The following OR3A3 variants were observed in gnomAD, a reference collection of about 807,000 sequenced individuals.
OR3A3 encodes the protein olfactory receptor 3A3.
For synonymous variants in OR3A3, 103 were observed against 163.9 expected (o/e 0.63, Z 2.84); for missense variants, 275 against 391.4 (o/e 0.70, Z 2.51).
chr17:3,423,886 T>C (rs2072453272), exon 3 of OR3A3: 1 of 146,042 alleles, frequency 6.8e-6, no homozygotes, highest in Admixed American at 7.0e-5. Flanking sequence ...TGAGCTGAGA[T>C]AGCGCCACTG....
At chr17:3,418,675 C>G (rs547912244) in intron 2 of OR3A3, among the ~76,000 whole-genome samples, 2 of 152,290 alleles carry the variant, frequency 1.3e-5, no homozygotes, top group Admixed American at 1.3e-4. Flanking sequence ...ATTTTCTTAA[C>G]CGCTCCTGGC....
chr17:3,415,822 T>A (rs1385593355), intron 2 of OR3A3, among the ~76,000 whole-genome samples: 104 of 146,700 alleles, frequency 7.1e-4, no homozygotes, highest in Middle Eastern at 7.4e-3. Flanking sequence ...TTATTATTAT[T>A]ATTATTATTA....
intron 2 of OR3A3, among the ~76,000 whole-genome samples, chr17:3,413,782 A>G (rs1292578092): frequency 6.6e-6 from 1 of 151,228 alleles, no homozygotes; most frequent in Non-Finnish European, 1.5e-5. Flanking sequence ...AAATCATGCC[A>G]CTGCACTCCA....
intron 2 of OR3A3, among the ~76,000 whole-genome samples, 176 bp downstream of exon 2, chr17:3,412,347 G>A (rs1279046359): frequency 3.4e-5 from 5 of 147,302 alleles, no homozygotes; most frequent in East Asian, 2.1e-4. Context: ...CCCCGTGCTC[G>A]CCTCTCTCAG....
chr17:3,411,799 A>G (rs2072363741), intron 1 of OR3A3, among the ~76,000 whole-genome samples, 179 bp from the exon 2 acceptor site: 1 of 152,242 alleles, frequency 6.6e-6, no homozygotes, highest in Non-Finnish European at 1.5e-5. Flanking sequence ...AGTGACCCAC[A>G]TTAAGCAGAG....
chr17:3,421,183 C>T, exon 3 of OR3A3: 1 of 1,614,238 alleles, frequency 6.2e-7, no homozygotes, highest in Non-Finnish European at 8.5e-7. Context: ...ACTCAATGAG[C>T]TGCTGCTCTT....
exon 3 of OR3A3, chr17:3,421,174 C>T: frequency 1.9e-6 from 3 of 1,614,218 alleles, no homozygotes; most frequent in Non-Finnish European, 2.5e-6. Context: ...CAGCACCCAA[C>T]TCAATGAGCT....
intron 2 of OR3A3, among the ~76,000 whole-genome samples, chr17:3,419,910 C>G (rs1009549114): frequency 2.6e-5 from 4 of 151,814 alleles, no homozygotes; most frequent in Admixed American, 1.3e-4. Context: ...GGACTACAGG[C>G]GCCTGCCACC....
chr17:3,423,587 A>T (rs929753638), exon 3 of OR3A3: 1 of 152,210 alleles, frequency 6.6e-6, no homozygotes, highest in African/African-American at 2.4e-5. Flanking sequence ...GGGAAATAAA[A>T]ATCCAATTAT....
At chr17:3,421,624 A>G in exon 3 of OR3A3, 1 of 1,420,500 alleles carries the variant, frequency 7.0e-7, no homozygotes, top group Non-Finnish European at 9.5e-7. Flanking sequence ...CATTATTTCT[A>G]TCTCCTGATG....
chr17:3,418,274 A>C (rs998335889), intron 2 of OR3A3, among the ~76,000 whole-genome samples: 2 of 152,022 alleles, frequency 1.3e-5, no homozygotes, highest in East Asian at 3.9e-4. Context: ...TTCCCTTTTG[A>C]AGTCTAAATG....
chr17:3,421,829 G>C, exon 3 of OR3A3: 1 of 279,228 alleles, frequency 3.6e-6, no homozygotes, highest in Non-Finnish European at 6.6e-6. Context: ...AAATAAATAA[G>C]CATCATATAT....
intron 2 of OR3A3, 69 bp from the exon 3 acceptor site, chr17:3,420,511 T>C: frequency 5.1e-6 from 8 of 1,568,150 alleles, no homozygotes; most frequent in Non-Finnish European, 6.1e-6. Flanking sequence ...GCTTTGAACA[T>C]AAATGGTTTA....
At chr17:3,411,899 G>A (rs2072364331) in intron 1 of OR3A3, 79 bp from the exon 2 acceptor site, 1 of 151,924 alleles carries the variant, frequency 6.6e-6, no homozygotes, top group South Asian at 2.1e-4. Context: ...CAGAAGGTGT[G>A]AGGCATCGTT....
At chr17:3,415,797 A>T (rs2072387410) in intron 2 of OR3A3, among the ~76,000 whole-genome samples, 1 of 68,048 alleles carries the variant, frequency 1.5e-5, no homozygotes, top group Non-Finnish European at 3.4e-5. Flanking sequence ...ACTTATTTTT[A>T]AATTATTATT....
In OR3A3 at chr17:3,415,564, A is replaced by C. The variant is rs1386884745; in HGVS notation, c.-7+3393A>C. Among the ~76,000 whole-genome samples the C allele has an allele frequency of 2.0e-5, 3 of 149,440 alleles. No individual in the cohort carries two copies. In the East Asian group the frequency reaches 5.8e-4, roughly 29 times the overall value. Reference sequence around the variant, plus strand: ...TGACAAAAGCGAAACTCCAACTCAAAAAAAAAAAAAAGAAAAGAAAAACCA... The same window carrying C: ...TGACAAAAGCGAAACTCCAACTCAACAAAAAAAAAAAGAAAAGAAAAACCA... On this transcript the variant is annotated intron_variant, in intron 2 of 2. Coordinates refer to ENST00000641141, the Ensembl canonical transcript of OR3A3.
At position 3,421,657 on chromosome 17, in the gene OR3A3, T is replaced by C. The variant is rs767475942; in HGVS notation, c.*124T>C. ...ATGCCTGAGGAGTGGTGTTATGTGT[T>C]TGGCCTACAAGGAAACCCTATATAA... On this transcript the variant is annotated 3_prime_UTR_variant, in exon 3 of 3. Coordinates refer to ENST00000641141, the Ensembl canonical transcript of OR3A3. 117 of 1,100,816 alleles carry C rather than the reference T, an allele frequency of 1.1e-4. 1 individual carries two copies. Among genetic ancestry groups the C allele is most frequent in the Non-Finnish European group, 1.5e-4 (114 of 780,786 alleles). 68.2% of individuals were successfully genotyped at this position (1,100,816 alleles called of 1,614,324 possible).
exon 1 of OR3A3, chr17:3,411,475 G>T (rs2072361734): frequency 6.6e-6 from 1 of 152,346 alleles, no homozygotes; most frequent in African/African-American, 2.4e-5. Flanking sequence ...AGACCATCCT[G>T]GCTAACATGG....
chr17:3,416,939 T>C (rs2072395582), intron 2 of OR3A3, among the ~76,000 whole-genome samples: 1 of 152,004 alleles, frequency 6.6e-6, no homozygotes, highest in Non-Finnish European at 1.5e-5. Context: ...TTTAACTGTA[T>C]TTTTGTACCC....
Sources: gnomAD v4.1 joint callset for allele counts (sites outside exome capture counted in the v4.1 genomes callset) on GRCh38, gnomAD v4.1.1 for gene constraint, MANE v1.5 for transcripts, NCBI Gene and HGNC (gene_info 2026-07-23, HGNC 2026-07-21) for gene names.